FHIT: variants seen among roughly 807,000 people sequenced by gnomAD.
FHIT encodes the protein fragile histidine triad diadenosine triphosphatase, also known as bis(5'-adenosyl)-triphosphatase.
A neutral mutation model predicts 17.9 loss-of-function variants in FHIT; 19 were observed. The ratio of observed to expected loss-of-function variants is 1.06; its 90% CI spans 0.74 to 1.56. The LOEUF (loss-of-function observed/expected upper bound fraction) is 1.56, where lower values mean the gene tolerates loss of function less well. Ranked by LOEUF, FHIT falls within the 40% of genes most tolerant of loss-of-function variation. The pLI is 0.00. For synonymous variants in FHIT, 81 were observed against 69.7 expected (o/e 1.16, Z -0.81); for missense variants, 248 against 189.2 (o/e 1.31, Z -1.82).
intron 4 of FHIT, among the ~76,000 whole-genome samples, chr3:60,691,954 T>A (rs1388208546): frequency 6.6e-6 from 1 of 152,198 alleles, no homozygotes; most frequent in Non-Finnish European, 1.5e-5. Flanking sequence ...TAATGATTTC[T>A]TTTTACTTTA....
chr3:61,014,808 A>AAAAAAAAAAAAAAAAAAAAAAT lies in FHIT; in HGVS notation c.-111+27238_-111+27239insATTTTTTTTTTTTTTTTTTTTT, dbSNP rs1156410696. 1.5e-4 allele frequency among the ~76,000 whole-genome samples: 4 copies of AAAAAAAAAAAAAAAAAAAAAAT among 26,982 alleles called. 1 individual carries two copies. The highest frequency in any genetic ancestry group is 4.8e-4 in the Admixed American group (1 of 2,072). The allele number at this position is 26,982 out of a possible 152,430, so 17.7% of individuals were successfully genotyped here. A position where few individuals can be genotyped will look rare whatever the true frequency, so the allele number is the denominator to read the frequency against. The stretch of plus-strand genomic sequence containing the variant: ...AAAAAAAAAAAAAAAAAAAAAAAAA[A>AAAAAAAAAAAAAAAAAAAAAAT]TATATATATATATATATGTATACAC... On this transcript the variant is annotated intron_variant, in intron 3 of 9. Coordinates refer to ENST00000492590, the MANE Select transcript of FHIT (RefSeq NM_002012.4).
chr3:60,614,136 G>C (rs781930089), intron 4 of FHIT, among the ~76,000 whole-genome samples: 8 of 152,072 alleles, frequency 5.3e-5, no homozygotes, highest in African/African-American at 1.7e-4. Flanking sequence ...TTAGGAAGTA[G>C]GTGCCCACTG....
chr3:60,149,342 CTTTTTT>C (rs34596023), intron 5 of FHIT, among the ~76,000 whole-genome samples: 1 of 147,184 alleles, frequency 6.8e-6, no homozygotes, highest in East Asian at 2.0e-4. Context: ...CTTCAACATG[CTTTTTT>C]TTTTTTCAGG....
At chr3:60,032,834 G>A (rs1025686033) in intron 5 of FHIT, among the ~76,000 whole-genome samples, 1 of 152,174 alleles carries the variant, frequency 6.6e-6, no homozygotes, top group African/African-American at 2.4e-5. Flanking sequence ...GAGCAAAGAA[G>A]CAACCTGAAT....
chr3:60,721,398 T>TCA (rs10576295), intron 4 of FHIT, among the ~76,000 whole-genome samples: 4 of 151,882 alleles, frequency 2.6e-5, no homozygotes, highest in South Asian at 2.1e-4. Context: ...TTTAAGGGTT[T>TCA]CACACACACA....
intron 5 of FHIT, among the ~76,000 whole-genome samples, chr3:60,042,031 G>A (rs1373170762): frequency 4.6e-5 from 7 of 152,088 alleles, no homozygotes; most frequent in Admixed American, 2.0e-4. Flanking sequence ...AATCATGGCC[G>A]CCTTTCCACA....
intron 7 of FHIT, among the ~76,000 whole-genome samples, chr3:59,989,465 G>C (rs1709130996): frequency 6.6e-6 from 1 of 151,994 alleles, no homozygotes; most frequent in African/African-American, 2.4e-5. Context: ...CCAACAATGA[G>C]TTCAGAAGTG....
At chr3:60,371,540 T>C (rs545374989) in intron 5 of FHIT, among the ~76,000 whole-genome samples, 1 of 152,136 alleles carries the variant, frequency 6.6e-6, no homozygotes, top group African/African-American at 2.4e-5. Flanking sequence ...AGTCGGTTTT[T>C]AACTAAAAAT....
chr3:61,165,999 C>G (rs976268171), intron 2 of FHIT, among the ~76,000 whole-genome samples: 1 of 152,156 alleles, frequency 6.6e-6, no homozygotes, highest in Non-Finnish European at 1.5e-5. Context: ...GCCTGGAACC[C>G]AGGGTTGGAA....
At chr3:60,015,870 A>G (rs902789877) in intron 5 of FHIT, among the ~76,000 whole-genome samples, 2 of 152,222 alleles carry the variant, frequency 1.3e-5, no homozygotes, top group African/African-American at 4.8e-5. Flanking sequence ...ACACCATAAA[A>G]AAACTTATTG....
At chr3:61,123,034 C>T (rs1020575268) in intron 2 of FHIT, among the ~76,000 whole-genome samples, 9 of 136,960 alleles carry the variant, frequency 6.6e-5, no homozygotes, top group Admixed American at 1.5e-4. Flanking sequence ...AATCATTCTA[C>T]TATAAAGACA....
At chr3:61,074,036 T>C (rs2034892783) in intron 2 of FHIT, among the ~76,000 whole-genome samples, 1 of 152,194 alleles carries the variant, frequency 6.6e-6, no homozygotes, top group African/African-American at 2.4e-5. Context: ...CACGAGAATG[T>C]AATTGATATT....
chr3:60,975,994 G>A (rs576352624), intron 3 of FHIT, among the ~76,000 whole-genome samples: 10 of 149,876 alleles, frequency 6.7e-5, no homozygotes, highest in South Asian at 2.1e-4. Context: ...TTCTTAGACC[G>A]TTTATTAACT....
intron 2 of FHIT, among the ~76,000 whole-genome samples, chr3:61,130,302 G>C (rs779158072): frequency 6.6e-6 from 1 of 152,146 alleles, no homozygotes. Flanking sequence ...ACAACTCCAC[G>C]TGTTGTGTTA....
chr3:60,977,624 C>A (rs1710319818), intron 3 of FHIT, among the ~76,000 whole-genome samples: 1 of 152,098 alleles, frequency 6.6e-6, no homozygotes, highest in African/African-American at 2.4e-5. Context: ...GTAATCCCAG[C>A]ACTTTGGGAG....
chr3:60,417,266 T>C (rs562229847), intron 5 of FHIT, among the ~76,000 whole-genome samples: 1 of 152,248 alleles, frequency 6.6e-6, no homozygotes, highest in Admixed American at 6.5e-5. Context: ...AGAAACTTCA[T>C]GGTGAAAAAG....
intron 2 of FHIT, among the ~76,000 whole-genome samples, chr3:61,073,493 T>C (rs2034874648): frequency 6.6e-6 from 1 of 152,208 alleles, no homozygotes; most frequent in African/African-American, 2.4e-5. Context: ...TATGCTTAGA[T>C]ATTTTAAATT....
At chr3:61,170,580 T>G (rs935443226) in intron 2 of FHIT, among the ~76,000 whole-genome samples, 8 of 152,178 alleles carry the variant, frequency 5.3e-5, no homozygotes, top group African/African-American at 1.9e-4. Flanking sequence ...TGTGTCCATG[T>G]GTTCTCATCA....
intron 3 of FHIT, among the ~76,000 whole-genome samples, chr3:60,896,009 G>T (rs957010865): frequency 6.6e-6 from 1 of 151,836 alleles, no homozygotes; most frequent in Non-Finnish European, 1.5e-5. Flanking sequence ...GGTGAGCAGC[G>T]GGCAGGGGAA....
Sources: allele counts gnomAD v4.1 joint callset (sites outside exome capture counted in the v4.1 genomes callset), GRCh38; gene constraint gnomAD v4.1.1; transcripts MANE v1.5; gene names NCBI Gene and HGNC (gene_info 2026-07-23, HGNC 2026-07-21).